Variants in CHD9 observed in about 807,000 individuals in gnomAD.
CHD9 encodes chromodomain helicase DNA binding protein 9.
A neutral mutation model predicts 316.1 loss-of-function variants in CHD9; 77 were observed. That is an observed-to-expected ratio of 0.24 (90% CI 0.20 to 0.29). The LOEUF is 0.29. CHD9 is among the 10% of genes least tolerant of loss of function. CHD9 has a pLI of 1.00. For synonymous variants in CHD9, 1,129 were observed against 1,158.3 expected (o/e 0.97, Z 0.51); for missense variants, 2,763 against 3,438.1 (o/e 0.80, Z 4.91).
At chr16:53,198,000 A>G (rs1212198954) in intron 2 of CHD9, among the ~76,000 whole-genome samples, 2 of 151,970 alleles carry the variant, frequency 1.3e-5, no homozygotes, top group Admixed American at 1.3e-4. Flanking sequence ...GATTGGAATT[A>G]CGGAAACCCT....
chr16:53,277,633 A>G (rs992473639), intron 24 of CHD9, among the ~76,000 whole-genome samples: 1 of 152,168 alleles, frequency 6.6e-6, no homozygotes, highest in African/African-American at 2.4e-5. Context: ...CCTATCTATA[A>G]CAACCACACA....
chr16:53,173,637 C>T (rs545190874), intron 2 of CHD9, among the ~76,000 whole-genome samples: 1 of 151,980 alleles, frequency 6.6e-6, no homozygotes, highest in African/African-American at 2.4e-5. Context: ...CTCTGCCTCC[C>T]GGATTCACAC....
intron 8 of CHD9, among the ~76,000 whole-genome samples, chr16:53,229,932 AAG>A (rs1461476866): frequency 2.0e-5 from 3 of 152,158 alleles, no homozygotes; most frequent in Admixed American, 6.6e-5. Context: ...TTATAACAAA[AAG>A]AGAGTGTGTA....
At chr16:53,277,148 A>G (rs1230986007) in intron 24 of CHD9, among the ~76,000 whole-genome samples, 1 of 152,204 alleles carries the variant, frequency 6.6e-6, no homozygotes, top group Non-Finnish European at 1.5e-5. Context: ...CTAGGACCAG[A>G]TGGATTAACA....
intron 2 of CHD9, among the ~76,000 whole-genome samples, chr16:53,193,033 C>CT (rs35188636): frequency 0.28 from 42,164 of 151,610 alleles, 5,923 homozygotes; most frequent in Middle Eastern, 0.31. Flanking sequence ...GTATGTTGAA[C>CT]TTATAAAAAA....
In CHD9 at chr16:53,284,922, C is replaced by T. The variant is rs183264015; in HGVS notation, c.4968-674C>T. 1.8e-3 allele frequency among the ~76,000 whole-genome samples: 269 copies of T among 152,196 alleles called. 7 individuals carry two copies. The highest frequency in any genetic ancestry group is 1.2e-3 in the African/African-American group (48 of 41,516). ...CTGAGACTACAGGTGTGCACCACCA[C>T]GCCCAGCTAATTTTTTGTATTTTTA... On this transcript the variant is annotated intron_variant, in intron 24 of 38. Coordinates refer to ENST00000447540, the MANE Select transcript of CHD9 (RefSeq NM_001308319.2).
intron 4 of CHD9, 97 bp from the exon 5 acceptor site, chr16:53,226,269 A>T (rs1411957706): frequency 2.1e-5 from 16 of 753,296 alleles, no homozygotes; most frequent in Non-Finnish European, 3.2e-5. Flanking sequence ...CATGTTGAAA[A>T]TTTAATATAC....
At chr16:53,087,834 G>A (rs891400308) in intron 1 of CHD9, among the ~76,000 whole-genome samples, 11 of 152,020 alleles carry the variant, frequency 7.2e-5, no homozygotes, top group African/African-American at 2.7e-4. Context: ...CATAATCCCA[G>A]CTACTCGGGA....
At chr16:53,109,654 C>T (rs1310420524) in intron 1 of CHD9, among the ~76,000 whole-genome samples, 1 of 136,344 alleles carries the variant, frequency 7.3e-6, no homozygotes, top group Non-Finnish European at 1.6e-5. Flanking sequence ...AATATTTTGC[C>T]TAAAAATTTG....
intron 38 of CHD9, among the ~76,000 whole-genome samples, chr16:53,322,444 T>C (rs1359970389): frequency 2.0e-5 from 3 of 151,492 alleles, no homozygotes; most frequent in African/African-American, 7.3e-5. Flanking sequence ...CCGTCTCTAC[T>C]AAAAATACAA....
intron 2 of CHD9, among the ~76,000 whole-genome samples, chr16:53,194,640 G>T (rs768671668): frequency 1.3e-5 from 2 of 152,192 alleles, no homozygotes; most frequent in Non-Finnish European, 2.9e-5. Flanking sequence ...TAGAGAGAGA[G>T]ATGATGGTGT....
chr16:53,323,877 G>C, intron 38 of CHD9, 143 bp from the exon 39 acceptor site: 1 of 674,336 alleles, frequency 1.5e-6, no homozygotes, highest in Non-Finnish European at 2.4e-6. Context: ...TTAGGTTATT[G>C]CTATTATAAT....
At chr16:53,218,325 G>A (rs1381737098) in intron 3 of CHD9, among the ~76,000 whole-genome samples, 2 of 151,876 alleles carry the variant, frequency 1.3e-5, no homozygotes, top group Admixed American at 1.3e-4. Context: ...TTGTTTTTAA[G>A]TAAAATTTTC....
In CHD9 at chr16:53,239,616, G is replaced by A. The variant is rs140794064; in HGVS notation, c.2877+1030G>A. On this transcript the variant is annotated intron_variant, in intron 12 of 38. Transcript: ENST00000447540. ...TAGTATTTTTTCTTTCCCTCATTCTGTTGTTCTAAAAGGATCATTATTATA... is the reference window on the plus strand; with the variant it reads ...TAGTATTTTTTCTTTCCCTCATTCTATTGTTCTAAAAGGATCATTATTATA... Among the ~76,000 whole-genome samples, 560 of 152,100 alleles carry A rather than the reference G, an allele frequency of 3.7e-3. 7 individuals are homozygous for A. The highest frequency in any genetic ancestry group is 0.013 in the African/African-American group (525 of 41,508).
chr16:53,115,718 G>A (rs1488981199), intron 1 of CHD9, among the ~76,000 whole-genome samples: 2 of 152,148 alleles, frequency 1.3e-5, no homozygotes, highest in Non-Finnish European at 1.5e-5. Context: ...AGAGTTTTTC[G>A]AGGAACAAGA....
intron 22 of CHD9, among the ~76,000 whole-genome samples, chr16:53,269,593 T>C (rs2052033541): frequency 6.6e-6 from 1 of 152,230 alleles, no homozygotes; most frequent in Non-Finnish European, 1.5e-5. Context: ...GTTTAATTAA[T>C]GTGAAGACCT....
chr16:53,082,741 C>T (rs1378658099), intron 1 of CHD9, among the ~76,000 whole-genome samples: 1 of 152,190 alleles, frequency 6.6e-6, no homozygotes, highest in Non-Finnish European at 1.5e-5. Flanking sequence ...AGATCTTTGC[C>T]CATGCACTTG....
chr16:53,220,872 G>A (rs2047176909), intron 3 of CHD9, among the ~76,000 whole-genome samples: 2 of 152,090 alleles, frequency 1.3e-5, no homozygotes, highest in Non-Finnish European at 2.9e-5. Context: ...CCCCTACCTG[G>A]AATGTACTCT....
chr16:53,321,367 G>A (rs2057263374), intron 37 of CHD9, 159 bp from the exon 38 acceptor site: 1 of 1,391,064 alleles, frequency 7.2e-7, no homozygotes, highest in Admixed American at 3.0e-5. Context: ...TAGTCCATAG[G>A]GTCACGGTGG....
Sources: allele counts gnomAD v4.1 joint callset (sites outside exome capture counted in the v4.1 genomes callset), GRCh38; gene constraint gnomAD v4.1.1; transcripts MANE v1.5; gene names NCBI Gene and HGNC (gene_info 2026-07-23, HGNC 2026-07-21).